LYPLAL1: variants seen among roughly 807,000 people sequenced by gnomAD.
The protein encoded by LYPLAL1 is lysophospholipase like 1, also known as lysophospholipase-like protein 1.
Under a neutral mutation model 19.7 loss-of-function variants are expected in LYPLAL1, and 23 were observed. The ratio of observed to expected loss-of-function variants is 1.17; its 90% CI spans 0.84 to 1.65. The LOEUF is 1.65. Among genes scored for constraint, LYPLAL1 ranks in the 40% most tolerant of loss-of-function variants. LYPLAL1 has a pLI of 0.00. For synonymous variants in LYPLAL1, 119 were observed against 96.3 expected (o/e 1.24, Z -1.38); for missense variants, 355 against 279.4 (o/e 1.27, Z -1.93).
At chr1:219,386,115 C>T in the LYPLAL1 span, among the ~76,000 whole-genome samples, 2 of 152,170 alleles carry the variant, frequency 1.3e-5, no homozygotes, top group East Asian at 3.9e-4. Context: ...GGGGAGACGG[C>T]AGAGCTTTCT....
the LYPLAL1 span, among the ~76,000 whole-genome samples, chr1:219,228,429 C>G: frequency 2.7e-3 from 405 of 151,262 alleles, no homozygotes; most frequent in South Asian, 9.3e-3. Flanking sequence ...GGGTAGGCAA[C>G]TGGAATTCCT....
the LYPLAL1 span, among the ~76,000 whole-genome samples, chr1:219,295,251 A>T: frequency 6.6e-6 from 1 of 152,164 alleles, no homozygotes; most frequent in Non-Finnish European, 1.5e-5. Flanking sequence ...TATGACTCAC[A>T]TCACAATTGT....
chr1:219,260,285 T>C, the LYPLAL1 span, among the ~76,000 whole-genome samples: 1 of 151,672 alleles, frequency 6.6e-6, no homozygotes, highest in South Asian at 2.1e-4. Context: ...TAATTAAAAC[T>C]GAATGAGGAA....
the LYPLAL1 span, among the ~76,000 whole-genome samples, chr1:219,308,182 T>A: frequency 3.0e-4 from 46 of 152,232 alleles, no homozygotes; most frequent in East Asian, 8.7e-3. Flanking sequence ...TTATGGAACT[T>A]TGAACTTGAG....
chr1:219,286,400 C>T, the LYPLAL1 span, among the ~76,000 whole-genome samples: 3 of 152,130 alleles, frequency 2.0e-5, no homozygotes, highest in Non-Finnish European at 2.9e-5. Flanking sequence ...CATCCTTGCT[C>T]GTATGATATG....
At chr1:219,393,188 G>A in the LYPLAL1 span, among the ~76,000 whole-genome samples, 3 of 152,108 alleles carry the variant, frequency 2.0e-5, no homozygotes. Flanking sequence ...TCTGGATTCT[G>A]GAGTCTGAAC....
chr1:219,293,141 G>T, the LYPLAL1 span, among the ~76,000 whole-genome samples: 1 of 152,178 alleles, frequency 6.6e-6, no homozygotes, highest in Non-Finnish European at 1.5e-5. Context: ...GGATGGGATA[G>T]CTTGCAGGAG....
the LYPLAL1 span, among the ~76,000 whole-genome samples, chr1:219,406,577 A>T: frequency 1.3e-5 from 2 of 152,226 alleles, no homozygotes; most frequent in African/African-American, 4.8e-5. Flanking sequence ...AGCTGAAACG[A>T]ACATTCTGAT....
At chr1:219,210,741 C>A in intron 4 of LYPLAL1, 94 bp downstream of exon 4, 2 of 1,151,272 alleles carry the variant, frequency 1.7e-6, no homozygotes, top group Non-Finnish European at 2.4e-6. Flanking sequence ...AAAACACACA[C>A]ACAGTTGATG....
intron 3 of LYPLAL1, among the ~76,000 whole-genome samples, chr1:219,209,480 C>T (rs1658828199): frequency 2.0e-5 from 3 of 151,954 alleles, no homozygotes; most frequent in Non-Finnish European, 4.4e-5. Context: ...CCTCAGTTCC[C>T]TCCATGTATA....
the LYPLAL1 span, among the ~76,000 whole-genome samples, chr1:219,340,681 G>A: frequency 3.3e-5 from 5 of 151,890 alleles, no homozygotes; most frequent in Admixed American, 6.6e-5. Flanking sequence ...AAGTTGAATC[G>A]ATGGTCATTA....
the LYPLAL1 span, among the ~76,000 whole-genome samples, chr1:219,376,780 T>C: frequency 6.6e-6 from 1 of 152,206 alleles, no homozygotes; most frequent in Non-Finnish European, 1.5e-5. Flanking sequence ...TCACGATCAT[T>C]AGAATGGGCA....
Position 219,211,963 on chromosome 1 carries a change from A to T in LYPLAL1, c.*235A>T, listed in dbSNP as rs1020667167. The T allele has an allele frequency of 1.2e-5, 4 of 320,418 alleles. No homozygotes were observed. Among genetic ancestry groups the T allele is most frequent in the African/African-American group, 2.1e-5 (1 of 46,664 alleles). The allele number at this position is 320,418 out of a possible 1,614,324, so 19.8% of individuals were successfully genotyped here. A position where few individuals can be genotyped will look rare whatever the true frequency, so the allele number is the denominator to read the frequency against. On this transcript the variant is annotated 3_prime_UTR_variant, in exon 5 of 5. Coordinates refer to ENST00000366928, the MANE Select transcript of LYPLAL1 (RefSeq NM_138794.5). ...GTAAATATTTGGAAACCTTTTAAGT[A>T]TTTAAACTTTTAAATTTTTGAAATA...
At chr1:219,420,517 T>G in the LYPLAL1 span, among the ~76,000 whole-genome samples, 5 of 152,212 alleles carry the variant, frequency 3.3e-5, no homozygotes, top group Non-Finnish European at 7.3e-5. Flanking sequence ...CTCATTCCCC[T>G]TAATTTTGTA....
the LYPLAL1 span, among the ~76,000 whole-genome samples, chr1:219,320,415 A>G: frequency 6.6e-6 from 1 of 152,106 alleles, no homozygotes; most frequent in African/African-American, 2.4e-5. Context: ...CACCCAAGCA[A>G]ACAGTAAGAT....
At chr1:219,413,851 A>T in the LYPLAL1 span, among the ~76,000 whole-genome samples, 2 of 152,258 alleles carry the variant, frequency 1.3e-5, no homozygotes, top group Non-Finnish European at 2.9e-5. Context: ...CAATCATATT[A>T]TGTAACCTTT....
the LYPLAL1 span, among the ~76,000 whole-genome samples, chr1:219,438,148 A>G: frequency 1.3e-5 from 2 of 152,170 alleles, no homozygotes; most frequent in Non-Finnish European, 2.9e-5. Flanking sequence ...GAATTTAATT[A>G]CCCTTTACTT....
the LYPLAL1 span, among the ~76,000 whole-genome samples, chr1:219,333,126 G>C: frequency 1.3e-5 from 2 of 151,860 alleles, no homozygotes; most frequent in Non-Finnish European, 2.9e-5. Flanking sequence ...CCCTGCCAAG[G>C]GTACGTGTGA....
intron 1 of LYPLAL1, chr1:219,174,875 C>A: frequency 1.0e-6 from 1 of 983,072 alleles, no homozygotes; most frequent in Non-Finnish European, 1.2e-6. Flanking sequence ...TTTGAGTCAG[C>A]AGTGCATGGA....
Sources: allele counts gnomAD v4.1 joint callset (sites outside exome capture counted in the v4.1 genomes callset), GRCh38; gene constraint gnomAD v4.1.1; transcripts MANE v1.5; gene names NCBI Gene and HGNC (gene_info 2026-07-23, HGNC 2026-07-21).